The following NPNT variants were observed in gnomAD, a reference collection of about 807,000 sequenced individuals.
The protein encoded by NPNT is nephronectin, also known as preosteoblast EGF-like repeat protein with MAM domain.
Under a neutral mutation model 68.6 loss-of-function variants are expected in NPNT, and 45 were observed. The observed-to-expected ratio is 0.66, with a 90% confidence interval of 0.52 to 0.84. NPNT has a LOEUF of 0.84. Ranked by LOEUF, NPNT falls within the 40% of genes least tolerant of loss-of-function variation. The pLI is 0.00. For synonymous variants in NPNT, 233 were observed against 253.3 expected (o/e 0.92, Z 0.76); for missense variants, 672 against 714.8 (o/e 0.94, Z 0.68).
chr4:105,932,185 A>C (rs1277410575), intron 3 of NPNT, among the ~76,000 whole-genome samples: 1 of 142,762 alleles, frequency 7.0e-6, no homozygotes, highest in African/African-American at 2.6e-5. Context: ...ACAACGTGAT[A>C]GTGTAGGGAA....
chr4:105,955,383 C>T lies in NPNT; in HGVS notation c.1160-3088C>T, dbSNP rs142040120. On this transcript the variant is annotated intron_variant, in intron 8 of 11. Coordinates refer to ENST00000379987, the MANE Select transcript of NPNT (RefSeq NM_001033047.3). ...AAGAAAAGTGTTTGAATTTCACAAACATATTTCAATTTCATAGCCTTGCGT... is the reference window on the plus strand; with the variant it reads ...AAGAAAAGTGTTTGAATTTCACAAATATATTTCAATTTCATAGCCTTGCGT... Among the ~76,000 whole-genome samples the T allele has an allele frequency of 1.2e-3, 184 of 152,238 alleles. 1 individual carries two copies. The highest frequency in any genetic ancestry group is 3.4e-3 in the Middle Eastern group (1 of 294).
intron 10 of NPNT, among the ~76,000 whole-genome samples, chr4:105,966,959 C>T (rs575557756): frequency 2.0e-5 from 3 of 152,198 alleles, no homozygotes; most frequent in African/African-American, 7.2e-5. Flanking sequence ...TATTGTGTGT[C>T]TCTGGCATTA....
At chr4:105,958,022 G>C (rs1054517703) in intron 8 of NPNT, among the ~76,000 whole-genome samples, 2 of 152,118 alleles carry the variant, frequency 1.3e-5, no homozygotes, top group African/African-American at 2.4e-5. Flanking sequence ...GAGTTCACTG[G>C]GGGTGGGGAG....
intron 10 of NPNT, among the ~76,000 whole-genome samples, chr4:105,960,599 A>G (rs899867267): frequency 6.6e-6 from 1 of 152,116 alleles, no homozygotes; most frequent in African/African-American, 2.4e-5. Context: ...TGGTTCATAC[A>G]TTTCTTTTCA....
rs555630783 is a variant in NPNT at position 105,900,422 on chromosome 4, G to A, written c.172+2421G>A. Among the ~76,000 whole-genome samples the A allele has an allele frequency of 4.1e-4, 62 of 152,256 alleles. 1 individual carries two copies. In the South Asian group the frequency reaches 0.011, roughly 26 times the overall value. Reference sequence around the variant, plus strand: ...TGACCCTTTGGTGAGTGTTTATTCCGTTTGGTTGAGCATTTGTGAGATGTT... The same window carrying A: ...TGACCCTTTGGTGAGTGTTTATTCCATTTGGTTGAGCATTTGTGAGATGTT... On this transcript the variant is annotated intron_variant, in intron 2 of 11. Coordinates refer to ENST00000379987, the MANE Select transcript of NPNT (RefSeq NM_001033047.3).
intron 3 of NPNT, among the ~76,000 whole-genome samples, chr4:105,928,311 C>T (rs1351272114): frequency 1.3e-5 from 2 of 152,062 alleles, no homozygotes; most frequent in African/African-American, 4.8e-5. Flanking sequence ...TAATTAAATT[C>T]AGTTAAAAAT....
rs753615257 is a variant in NPNT, at chr4:105,942,471, C to T, written c.928C>T (p.Pro310Ser). 1.2e-6 allele frequency: 2 copies of T among 1,613,340 alleles called. No homozygotes were observed. Among genetic ancestry groups the T allele is most frequent in the South Asian group, 2.2e-5 (2 of 91,024 alleles). ...TATTCCTCCTATCATTACCAACAGG[C>T]CTACTTCTAAGCCAACAACAAGACC... ...PYIPPIITNR[P>S]TSKPTTRPTP... The change falls in exon 8 of 12, where the codon CCT becomes TCT. Residue 310 changes from proline (P) to serine (S), a missense_variant. Pro to Ser is a moderately conservative substitution (Grantham distance 74). Transcript: ENST00000379987.
chr4:105,898,470 C>T (rs1038801519), intron 2 of NPNT, among the ~76,000 whole-genome samples: 1 of 151,468 alleles, frequency 6.6e-6, no homozygotes, highest in Non-Finnish European at 1.5e-5. Context: ...GAGTCTAGAC[C>T]GTATTTACAC....
chr4:105,925,575 C>T (rs1728619548), intron 2 of NPNT, among the ~76,000 whole-genome samples: 1 of 152,086 alleles, frequency 6.6e-6, no homozygotes, highest in Non-Finnish European at 1.5e-5. Flanking sequence ...AAACTGGGAG[C>T]ATAGAGCATA....
chr4:105,942,136 T>TAGAC (rs140603677), intron 7 of NPNT, among the ~76,000 whole-genome samples, 171 bp from the exon 8 acceptor site: 125,753 of 147,716 alleles, frequency 0.85, 53,907 homozygotes, highest in East Asian at 0.97. Context: ...TATATATATA[T>TAGAC]ACACACATAT....
At chr4:105,965,037 C>A (rs1732010368) in intron 10 of NPNT, among the ~76,000 whole-genome samples, 1 of 152,056 alleles carries the variant, frequency 6.6e-6, no homozygotes, top group Non-Finnish European at 1.5e-5. Context: ...TTCACAAATA[C>A]CTCTAGATTT....
chr4:105,921,628 C>A (rs1323123518), intron 2 of NPNT, among the ~76,000 whole-genome samples: 1 of 152,170 alleles, frequency 6.6e-6, no homozygotes, highest in Non-Finnish European at 1.5e-5. Flanking sequence ...ATGCTTTCCC[C>A]TGGAGATCTT....
At position 105,969,969 on chromosome 4, in the gene NPNT, A is replaced by G. The variant is rs1444039297; in HGVS notation, c.*979A>G. 1 of 161,024 alleles carries G rather than the reference A, an allele frequency of 6.2e-6. No individual in the cohort carries two copies. The highest frequency in any genetic ancestry group is 2.4e-5 in the African/African-American group (1 of 41,538). 10.0% of individuals were successfully genotyped at this position (161,024 alleles called of 1,614,324 possible). ...TTACCATCATAACATGGCTCTGGTA[A>G]TATGTAGGAAGCTTTATAAAAGTTT... On this transcript the variant is annotated 3_prime_UTR_variant, in exon 12 of 12. Transcript: ENST00000379987.
chr4:105,930,256 C>T (rs1578628467), intron 3 of NPNT, among the ~76,000 whole-genome samples: 1 of 152,302 alleles, frequency 6.6e-6, no homozygotes, highest in East Asian at 1.9e-4. Context: ...GTGACTTGCA[C>T]ATGGTAAATG....
chr4:105,971,557 G>C lies in NPNT; in HGVS notation c.*2567G>C, dbSNP rs567314997. ...AAACTGATGGAAGAAGTTATCCAAA[G>C]TACTGTATAACATCTTGTTTATTAT... On this transcript the variant is annotated 3_prime_UTR_variant, in exon 12 of 12. Transcript: ENST00000379987. The C allele has an allele frequency of 6.2e-6, 1 of 160,024 alleles. No homozygotes were observed. The highest frequency in any genetic ancestry group is 1.7e-4 in the South Asian group (1 of 5,744). 9.9% of individuals were successfully genotyped at this position (160,024 alleles called of 1,614,324 possible). A position where few individuals can be genotyped will look rare whatever the true frequency, so the allele number is the denominator to read the frequency against.
At chr4:105,946,376 G>GT (rs1193283900) in intron 8 of NPNT, among the ~76,000 whole-genome samples, 2 of 152,156 alleles carry the variant, frequency 1.3e-5, no homozygotes, top group Admixed American at 6.5e-5. Flanking sequence ...GGAGGTCTTT[G>GT]TTAAGTCCTC....
intron 2 of NPNT, among the ~76,000 whole-genome samples, chr4:105,900,024 C>T (rs1473910234): frequency 6.6e-6 from 1 of 152,214 alleles, no homozygotes; most frequent in African/African-American, 2.4e-5. Flanking sequence ...TTTGTCACTA[C>T]GTTTGTTCAA....
Position 105,971,435 on chromosome 4 carries a change from G to T in NPNT, c.*2445G>T. The T allele has an allele frequency of 4.6e-6, 1 of 217,064 alleles. No homozygotes were observed. The highest frequency in any genetic ancestry group is 6.7e-5 in the South Asian group (1 of 14,824). 13.4% of individuals were successfully genotyped at this position (217,064 alleles called of 1,614,324 possible). A position where few individuals can be genotyped will look rare whatever the true frequency, so the allele number is the denominator to read the frequency against. ...ATATGGCTGTAGATCCATTTTTAAT[G>T]GTTCATTTCCTTTATGGTCATATAA... On this transcript the variant is annotated 3_prime_UTR_variant, in exon 12 of 12. Transcript: ENST00000379987.
At position 105,898,328 on chromosome 4, in the gene NPNT, G is replaced by GTCTCTCTCTCTCTC. The variant is rs66945682; in HGVS notation, c.172+366_172+379dup. 7.5e-3 allele frequency among the ~76,000 whole-genome samples: 406 copies of GTCTCTCTCTCTCTC among 53,932 alleles called. 8 individuals are homozygous for GTCTCTCTCTCTCTC. Among genetic ancestry groups the GTCTCTCTCTCTCTC allele is most frequent in the Non-Finnish European group, 9.7e-3 (274 of 28,306 alleles). The allele number at this position is 53,932 out of a possible 152,430, so 35.4% of individuals were successfully genotyped here. On this transcript the variant is annotated intron_variant, in intron 2 of 11. Transcript: ENST00000379987. The stretch of plus-strand genomic sequence containing the variant: ...TCTCTCTCTGTCTCTCTCTCTCTCT[G>GTCTCTCTCTCTCTC]TCTCTCTCTCTCTCTCTCTCTCTCT...
Sources: gnomAD v4.1 joint callset for allele counts (sites outside exome capture counted in the v4.1 genomes callset) on GRCh38, gnomAD v4.1.1 for gene constraint, MANE v1.5 for transcripts, NCBI Gene and HGNC (gene_info 2026-07-23, HGNC 2026-07-21) for gene names.